The following XXYLT1 variants were observed in gnomAD, a reference collection of about 807,000 sequenced individuals.
The protein encoded by XXYLT1 is UDP-xylose:alpha-xyloside alpha-1,3-xylosyltransferase.
In XXYLT1, 20 loss-of-function variants were observed where a neutral mutation model predicts 28.9. The observed-to-expected ratio is 0.69, with a 90% CI of 0.49 to 1.00. The LOEUF (loss-of-function observed/expected upper bound fraction) is 1.00. XXYLT1 is among the 50% of genes least tolerant of loss of function. The pLI is 0.00. For missense variants in XXYLT1, 542 were observed against 560.1 expected (o/e 0.97, Z 0.33); for synonymous variants, 257 against 253.8 (o/e 1.01, Z -0.12).
At chr3:195,073,682 G>T (rs533657955) in intron 3 of XXYLT1, among the ~76,000 whole-genome samples, 57 of 152,192 alleles carry the variant, frequency 3.7e-4, no homozygotes, top group African/African-American at 1.4e-3. Flanking sequence ...TAAATATTGG[G>T]TCTTTTCAGA....
intron 1 of XXYLT1, among the ~76,000 whole-genome samples, chr3:195,252,725 CACAGAGAG>C (rs1450014834): frequency 7.7e-6 from 1 of 129,040 alleles, no homozygotes; most frequent in African/African-American, 3.3e-5. Context: ...CACACACACA[CACAGAGAG>C]AGAGAGAGAG....
chr3:195,097,517 GGTT>G (rs1031857208), intron 3 of XXYLT1, among the ~76,000 whole-genome samples: 12 of 152,200 alleles, frequency 7.9e-5, no homozygotes, highest in African/African-American at 2.9e-4. Flanking sequence ...AAACTTATGA[GGTT>G]GTTATTATCA....
intron 1 of XXYLT1, among the ~76,000 whole-genome samples, chr3:195,261,009 G>C (rs1203125037): frequency 1.3e-5 from 2 of 152,178 alleles, no homozygotes; most frequent in Non-Finnish European, 2.9e-5. Flanking sequence ...AGCTGCTAGC[G>C]GGGTCCTGAA....
At chr3:195,269,702 C>T (rs577863592) in intron 1 of XXYLT1, among the ~76,000 whole-genome samples, 1 of 152,344 alleles carries the variant, frequency 6.6e-6, no homozygotes, top group South Asian at 2.1e-4. Context: ...ACATCAGTCT[C>T]CACCCTTTAA....
At chr3:195,206,243 C>T (rs1326397628) in intron 2 of XXYLT1, among the ~76,000 whole-genome samples, 1 of 151,688 alleles carries the variant, frequency 6.6e-6, no homozygotes, top group Non-Finnish European at 1.5e-5. Flanking sequence ...ATCTCCTGAT[C>T]TCGTGATCCA....
At chr3:195,158,277 G>C (rs973847617) in intron 2 of XXYLT1, among the ~76,000 whole-genome samples, 1 of 152,170 alleles carries the variant, frequency 6.6e-6, no homozygotes, top group Admixed American at 6.5e-5. Flanking sequence ...CCACATGGCT[G>C]TCTGCCTGCC....
Position 195,271,154 on chromosome 3 carries a change from G to A in XXYLT1, c.-96C>T. ...CCACTTAGCCCCGGCGCCAGGCGGC[G>A]GCCATGAAAGGGGCGGGGCCGCGCC... On this transcript the variant is annotated 5_prime_UTR_variant, in exon 1 of 4. Transcript: ENST00000310380. 1.6e-6 allele frequency: 2 copies of A among 1,243,828 alleles called. No homozygotes were observed. The highest frequency in any genetic ancestry group is 1.0e-6 in the Non-Finnish European group (1 of 991,292). 77.0% of individuals were successfully genotyped at this position (1,243,828 alleles called of 1,614,324 possible).
intron 2 of XXYLT1, among the ~76,000 whole-genome samples, chr3:195,190,493 CAAAA>C (rs57722997): frequency 1.7e-4 from 6 of 34,974 alleles, no homozygotes; most frequent in African/African-American, 3.2e-4. Flanking sequence ...GACTCTGTCT[CAAAA>C]AAAAAAAAAA....
At chr3:195,215,923 T>C (rs1723552768) in intron 2 of XXYLT1, among the ~76,000 whole-genome samples, 1 of 151,988 alleles carries the variant, frequency 6.6e-6, no homozygotes, top group Non-Finnish European at 1.5e-5. Context: ...TACTGGGAAG[T>C]AAAGCTCTCC....
Position 195,088,164 on chromosome 3 carries a change from G to A in XXYLT1, c.786-18053C>T, listed in dbSNP as rs556396505. 2.7e-3 allele frequency among the ~76,000 whole-genome samples: 402 copies of A among 151,008 alleles called. 3 individuals are homozygous for A. The highest frequency in any genetic ancestry group is 0.01 in the Middle Eastern group (3 of 294). ...GGTAAACAAAGCAGCCGGGAAGCTC[G>A]AACTGGGTGGAGCCCACCACAGCTC... is the stretch of plus-strand genomic sequence containing the variant. On this transcript the variant is annotated intron_variant, in intron 3 of 3. Transcript: ENST00000310380.
In XXYLT1 at chr3:195,150,604, C is replaced by T. The variant is rs1010970922; in HGVS notation, c.785+5845G>A. 6.6e-6 allele frequency among the ~76,000 whole-genome samples: 1 copy of T among 152,282 alleles called. No homozygotes were observed. The highest frequency in any genetic ancestry group is 1.5e-5 in the Non-Finnish European group (1 of 68,012). On this transcript the variant is annotated intron_variant, in intron 3 of 3. Coordinates refer to ENST00000310380, the MANE Select transcript of XXYLT1 (RefSeq NM_152531.5). This position sits in a 1 kb window ranked among gnomAD's most constrained non-coding sequence, Gnocchi z 4.7. ...TCAGCAGCTGACAGGAATAGCCTGC[C>T]GCTTCCTCCTCAGGGTGGGCCGGGG...
chr3:195,224,079 C>T (rs574415079), intron 2 of XXYLT1, among the ~76,000 whole-genome samples: 172 of 152,292 alleles, frequency 1.1e-3, no homozygotes, highest in African/African-American at 3.9e-3. Flanking sequence ...TCGCTTGAAC[C>T]CAGGAGGCAG....
intron 3 of XXYLT1, among the ~76,000 whole-genome samples, chr3:195,098,912 G>A (rs573497024): frequency 1.3e-5 from 2 of 152,190 alleles, no homozygotes; most frequent in African/African-American, 2.4e-5. Context: ...TGTTCTGCCC[G>A]AGCCCTGAGC....
At chr3:195,110,766 GTGGTGTGTGT>G (rs1717635171) in intron 3 of XXYLT1, among the ~76,000 whole-genome samples, 1 of 15,548 alleles carries the variant, frequency 6.4e-5, no homozygotes, top group Non-Finnish European at 1.7e-4. Context: ...ATAAGTGTGT[GTGGTGTGTGT>G]GTGGTGTATA....
At chr3:195,202,388 C>A (rs1577140787) in intron 2 of XXYLT1, among the ~76,000 whole-genome samples, 3 of 130,554 alleles carry the variant, frequency 2.3e-5, no homozygotes, top group South Asian at 2.5e-4. Flanking sequence ...TTAAAGAGAC[C>A]AACTAGGTCC....
intron 3 of XXYLT1, among the ~76,000 whole-genome samples, chr3:195,127,680 G>A (rs1452721731): frequency 1.3e-5 from 2 of 152,124 alleles, no homozygotes; most frequent in East Asian, 1.9e-4. Flanking sequence ...GGGAGGCTGA[G>A]GCAGGAGGAT....
intron 2 of XXYLT1, among the ~76,000 whole-genome samples, chr3:195,191,187 T>C (rs771246676): frequency 5.9e-5 from 9 of 152,170 alleles, no homozygotes; most frequent in Admixed American, 3.3e-4. Context: ...CACTTAAACA[T>C]GAATTTTTTT....
At chr3:195,248,092 T>A (rs976822263) in intron 1 of XXYLT1, among the ~76,000 whole-genome samples, 1 of 152,062 alleles carries the variant, frequency 6.6e-6, no homozygotes, top group African/African-American at 2.4e-5. Flanking sequence ...AAGCCGCTCA[T>A]CCAGTGCTCG....
At chr3:195,251,354 C>A (rs958224108) in intron 1 of XXYLT1, among the ~76,000 whole-genome samples, 14 of 152,256 alleles carry the variant, frequency 9.2e-5, no homozygotes, top group Admixed American at 1.3e-4. Context: ...GAAGGCGGGG[C>A]CCAGCCAGGT....
Sources: allele counts gnomAD v4.1 joint callset (sites outside exome capture counted in the v4.1 genomes callset), GRCh38; gene constraint gnomAD v4.1.1; non-coding constraint Gnocchi (gnomAD v3.1); transcripts MANE v1.5; gene names NCBI Gene and HGNC (gene_info 2026-07-23, HGNC 2026-07-21).